Variants in MST1R observed in about 807,000 individuals in gnomAD.
The protein encoded by MST1R is macrophage stimulating 1 receptor, also known as macrophage-stimulating protein receptor.
A neutral mutation model predicts 117.8 loss-of-function variants in MST1R; 99 were observed. That is an observed-to-expected ratio of 0.84 (90% CI 0.71 to 0.99). The LOEUF is 0.99. Ranked by LOEUF, MST1R falls within the 50% of genes least tolerant of loss-of-function variation. The probability of loss-of-function intolerance (pLI) is 0.00; values close to 1 mark genes in which losing one functional copy is unlikely to be tolerated. For missense variants in MST1R, 1,683 were observed against 1,840.2 expected, an observed-to-expected ratio of 0.91 and a Z score of 1.56; for synonymous variants, 734 against 765.3, an observed-to-expected ratio of 0.96 and a Z score of 0.68.
At chr3:49,902,231 C>T (rs2082702581) in intron 1 of MST1R, 149 bp downstream of exon 1, 1 of 1,204,084 alleles carries the variant, frequency 8.3e-7, no homozygotes, top group South Asian at 1.5e-5. Context: ...TCACACCACC[C>T]CAGCACTTAG....
intron 14 of MST1R, among the ~76,000 whole-genome samples, chr3:49,892,592 G>A (rs1311542065): frequency 6.6e-6 from 1 of 151,592 alleles, no homozygotes; most frequent in African/African-American, 2.4e-5. Flanking sequence ...AGGAGGCTGA[G>A]GCAAGAGAAT....
intron 1 of MST1R, among the ~76,000 whole-genome samples, chr3:49,901,161 C>T (rs1262515473): frequency 6.6e-6 from 1 of 152,218 alleles, no homozygotes; most frequent in Non-Finnish European, 1.5e-5. Context: ...GACAAGGAGT[C>T]CCCAACCCTA....
chr3:49,895,368 G>T lies in MST1R; in HGVS notation c.3070C>A (p.Pro1024Thr). The part of the protein sequence containing the change: ...GSDYRSGLAL[P>T]AIDGLDSTTC... ...GTGGAATCCAGACCATCAATGGCAG[G>T]GAGTGCTGTGGGGAGAGGGAATGAG... is the stretch of plus-strand genomic sequence containing the variant. The change falls in exon 14 of 20, where the codon CCT becomes ACT. Residue 1024 changes from proline to threonine, a missense_variant. By Grantham distance (38) the Pro-to-Thr change is conservative (BLOSUM62 -1). Transcript: ENST00000296474. 6.2e-7 allele frequency: 1 copy of T among 1,614,250 alleles called. No homozygotes were observed. The highest frequency in any genetic ancestry group is 8.5e-7 in the Non-Finnish European group (1 of 1,180,054).
chr3:49,887,570 G>A lies in MST1R; in HGVS notation c.3948-8C>T, dbSNP rs748414845. The A allele has an allele frequency of 6.2e-7, 1 of 1,613,026 alleles. No individual in the cohort carries two copies. The highest frequency in any genetic ancestry group is 8.5e-7 in the Non-Finnish European group (1 of 1,179,372). On this transcript the variant is annotated splice_polypyrimidine_tract_variant and splice_region_variant and intron_variant, in intron 19 of 19. Transcript: ENST00000296474. ...TGCTGCATCACTTGGTACCTGTTGG[G>A]GGAAAGGGATGTCAGGTTAAGGCAA...
At position 49,903,730 on chromosome 3, in the gene MST1R, C is replaced by G. The variant is rs2082773457; in HGVS notation, c.-121G>C. On this transcript the variant is annotated 5_prime_UTR_variant, in exon 1 of 20. Transcript: ENST00000296474. ...CAAATTTAAGCAGCGGTCCCGACAGCCCCAAGATAGCGGACCCCCGCCCCA... is the reference window on the plus strand; with the variant it reads ...CAAATTTAAGCAGCGGTCCCGACAGGCCCAAGATAGCGGACCCCCGCCCCA... 1 of 1,352,708 alleles carries G rather than the reference C, an allele frequency of 7.4e-7. No homozygotes were observed. Among genetic ancestry groups the G allele is most frequent in the Admixed American group, 2.8e-5 (1 of 36,206 alleles). The allele number at this position is 1,352,708 out of a possible 1,614,324, so 83.8% of individuals were successfully genotyped here.
At position 49,895,302 on chromosome 3, in the gene MST1R, C is replaced by T. The variant is rs747512737; in HGVS notation, c.3136G>A (p.Glu1046Lys). 6.2e-7 allele frequency: 1 copy of T among 1,614,246 alleles called. No homozygotes were observed. The highest frequency in any genetic ancestry group is 8.5e-7 in the Non-Finnish European group (1 of 1,180,054). ...TTCCGCAGCAGTGGCACACAGGATT[C>T]ATCTTCACTATCGGAGAAGGATGCT... is the stretch of plus-strand genomic sequence containing the variant. ...HGASFSDSED[E>K]SCVPLLRKES... is the part of the protein sequence containing the mutation. The change falls in exon 14 of 20, where the codon GAA (glutamate) becomes AAA (lysine). Residue 1046 changes from glutamate to lysine, a missense_variant. Coordinates refer to ENST00000296474, the MANE Select transcript of MST1R (RefSeq NM_002447.4).
Position 49,890,546 on chromosome 3 carries a change from G to A in MST1R, c.3749C>T (p.Pro1250Leu), listed in dbSNP as rs144565670. The change falls in exon 18 of 20, where the codon CCT becomes CTT. Residue 1250 changes from proline to leucine, a missense_variant. Transcript: ENST00000296474. ...SVQQHRHARL[P>L]VKWMALESLQ... ...GCTCTCCAGCGCCATCCACTTCACA[G>A]GTAGGCGAGCGTGGCGATGCTGTTG... 21 of 1,614,154 alleles carry A rather than the reference G, an allele frequency of 1.3e-5. No individual in the cohort carries two copies. In the Admixed American group the frequency reaches 1.3e-4, roughly 10 times the overall value.
At position 49,891,310 on chromosome 3, in the gene MST1R, G is replaced by C; in HGVS notation, c.3535-4C>G. The C allele has an allele frequency of 1.2e-6, 2 of 1,614,128 alleles. No homozygotes were observed. Among genetic ancestry groups the C allele is most frequent in the Non-Finnish European group, 1.7e-6 (2 of 1,180,016 alleles). The stretch of plus-strand genomic sequence containing the variant: ...TGAGGTCCTTCACGGTGGGGTTCTG[G>C]GGGCACAGGTGGGTTGGTGGGCAAG... On this transcript the variant is annotated splice_region_variant and splice_polypyrimidine_tract_variant and intron_variant, in intron 16 of 19. Coordinates refer to ENST00000296474, the MANE Select transcript of MST1R (RefSeq NM_002447.4).
Position 49,903,642 on chromosome 3 carries a change from C to G in MST1R, c.-33G>C, listed in dbSNP as rs1483127853. The G allele has an allele frequency of 2.6e-6, 4 of 1,534,636 alleles. No homozygotes were observed. The highest frequency in any genetic ancestry group is 2.5e-5 in the South Asian group (2 of 79,958). ...AGCTGGGACCCTAGAGGATCCCTAC[C>G]GGCCTGGGCCTGGACCTGGGCGTGG... On this transcript the variant is annotated 5_prime_UTR_variant, in exon 1 of 20. Coordinates refer to ENST00000296474, the MANE Select transcript of MST1R (RefSeq NM_002447.4).
Position 49,898,048 on chromosome 3 carries a change from T to C in MST1R, c.1880+3A>G, listed in dbSNP as rs759395734. 3.1e-6 allele frequency: 5 copies of C among 1,614,112 alleles called. No homozygotes were observed. The highest frequency in any genetic ancestry group is 4.2e-6 in the Non-Finnish European group (5 of 1,180,028). On this transcript the variant is annotated splice_donor_region_variant and intron_variant, in intron 5 of 19. Transcript: ENST00000296474. The stretch of plus-strand genomic sequence containing the variant: ...GAAAGGGAGGGGAGGGACCAGATTG[T>C]ACCTGAGTTTTGAGCTGTCCTTGGG...
rs2082308007 is a variant in MST1R at position 49,891,311 on chromosome 3, G to A, written c.3535-5C>T. On this transcript the variant is annotated splice_region_variant and splice_polypyrimidine_tract_variant and intron_variant, in intron 16 of 19. Transcript: ENST00000296474. ...GAGGTCCTTCACGGTGGGGTTCTGGGGGCACAGGTGGGTTGGTGGGCAAGG... is the reference window on the plus strand; with the variant it reads ...GAGGTCCTTCACGGTGGGGTTCTGGAGGCACAGGTGGGTTGGTGGGCAAGG... 3.7e-6 allele frequency: 6 copies of A among 1,614,110 alleles called. No homozygotes were observed. The highest frequency in any genetic ancestry group is 5.1e-6 in the Non-Finnish European group (6 of 1,180,018).
chr3:49,889,135 C>A (rs1436090593), intron 19 of MST1R, among the ~76,000 whole-genome samples: 40 of 152,218 alleles, frequency 2.6e-4, no homozygotes, highest in Admixed American at 2.6e-3. Flanking sequence ...GGATGGGCTG[C>A]AGTTTCTGTG....
rs562051906 is a variant in MST1R at position 49,897,606 on chromosome 3, T to C, written c.1960A>G (p.Asn654Asp). Reference sequence around the variant, plus strand: ...ATGTTAGTCACGGTGAGGCTGACGTTGGTAGGCCCCACTGCCTGGGTGCCC... The same window carrying C: ...ATGTTAGTCACGGTGAGGCTGACGTCGGTAGGCCCCACTGCCTGGGTGCCC... ...PLGTQAVGPT[N>D]VSLTVTNMPP... Residue 654 changes from asparagine (N) to aspartate (D), a missense_variant, in exon 6 of 20, where the codon AAC becomes GAC. Transcript: ENST00000296474. The C allele has an allele frequency of 6.2e-7, 1 of 1,614,164 alleles. No homozygotes were observed. Among genetic ancestry groups the C allele is most frequent in the East Asian group, 2.2e-5 (1 of 44,886 alleles).
At chr3:49,897,014 T>C (rs1575440468) in intron 7 of MST1R, 124 bp from the exon 8 acceptor site, 2 of 1,267,548 alleles carry the variant, frequency 1.6e-6, no homozygotes, top group South Asian at 3.3e-5. Flanking sequence ...CACTCCATGG[T>C]CTGTCTGAAA....
chr3:49,898,781 G>C, intron 3 of MST1R, 86 bp downstream of exon 3: 1 of 1,605,728 alleles, frequency 6.2e-7, no homozygotes, highest in Non-Finnish European at 8.5e-7. Context: ...GGGTGGTAGG[G>C]CCTGTATGTC....
intron 1 of MST1R, among the ~76,000 whole-genome samples, chr3:49,900,446 C>T (rs2082641257): frequency 6.6e-6 from 1 of 152,150 alleles, no homozygotes. Flanking sequence ...CTCACCAGCC[C>T]GGAGGGCACT....
intron 7 of MST1R, 51 bp from the exon 8 acceptor site, chr3:49,896,941 GCC>G: frequency 6.9e-7 from 1 of 1,448,788 alleles, no homozygotes; most frequent in Non-Finnish European, 9.1e-7. Flanking sequence ...TGATGGCCAG[GCC>G]CACTTCTTCC....
At position 49,891,630 on chromosome 3, in the gene MST1R, C is replaced by T. The variant is rs542196164; in HGVS notation, c.3353-50G>A. 12 of 1,611,026 alleles carry T rather than the reference C, an allele frequency of 7.4e-6. No homozygotes were observed. The South Asian group carries it at 9.9e-5, about 13-fold the overall frequency. On this transcript the variant is annotated intron_variant, in intron 15 of 19. Transcript: ENST00000296474. ...CAGGGCAGGGCGTCCCTTTATAAGG[C>T]TCAGATGGGGAAATGGGAAATGAAG...
At chr3:49,888,531 G>A (rs1266678357) in intron 19 of MST1R, among the ~76,000 whole-genome samples, 3 of 152,062 alleles carry the variant, frequency 2.0e-5, no homozygotes, top group Non-Finnish European at 4.4e-5. Context: ...GAACCTGGGA[G>A]GCAGAGGTTG....
Sources: allele counts gnomAD v4.1 joint callset (sites outside exome capture counted in the v4.1 genomes callset), GRCh38; gene constraint gnomAD v4.1.1; transcripts MANE v1.5; gene names NCBI Gene and HGNC (gene_info 2026-07-23, HGNC 2026-07-21).